The following ARHGAP15 variants were observed in gnomAD, a reference collection of about 807,000 sequenced individuals.
ARHGAP15 encodes Rho GTPase activating protein 15.
A neutral mutation model predicts 63.7 loss-of-function variants in ARHGAP15; 51 were observed. The ratio of observed to expected loss-of-function variants is 0.80; its 90% CI spans 0.64 to 1.01. ARHGAP15 has a LOEUF of 1.01. Among genes scored for constraint, ARHGAP15 ranks in the 50% least tolerant of loss-of-function variants. The pLI, the probability that ARHGAP15 is intolerant of heterozygous loss-of-function variation, is 0.00. For synonymous variants in ARHGAP15, 191 were observed against 193.8 expected, an observed-to-expected ratio of 0.99 and a Z score of 0.12; for missense variants, 560 against 564.6, an observed-to-expected ratio of 0.99 and a Z score of 0.08.
At chr2:143,432,980 C>T (rs1172999136) in intron 6 of ARHGAP15, among the ~76,000 whole-genome samples, 2 of 151,980 alleles carry the variant, frequency 1.3e-5, no homozygotes, top group South Asian at 2.1e-4. Context: ...AGAAAGAGTA[C>T]ATTAGCACGG....
Position 143,768,125 on chromosome 2 carries a change from C to T in ARHGAP15, c.1381C>T (p.Leu461Phe). Residue 461 changes from leucine (L) to phenylalanine (F), a missense_variant, in exon 14 of 14, where the codon CTC becomes TTC. Transcript: ENST00000295095. ...GGTCTACCAGAACCAGATAGCTGAG[C>T]TCATGCTGAGTGAGTACAGTAAGAT... ...HMVYQNQIAE[L>F]MLSEYSKIFG... is the part of the protein sequence containing the mutation. 6.2e-7 allele frequency: 1 copy of T among 1,613,786 alleles called. No homozygotes were observed. Among genetic ancestry groups the T allele is most frequent in the Non-Finnish European group, 8.5e-7 (1 of 1,179,768 alleles).
intron 8 of ARHGAP15, among the ~76,000 whole-genome samples, chr2:143,450,937 C>T (rs1466982328): frequency 2.0e-5 from 3 of 151,836 alleles, no homozygotes; most frequent in Non-Finnish European, 4.4e-5. Flanking sequence ...GTGGGCTAAT[C>T]CCCTTTCATA....
intron 6 of ARHGAP15, among the ~76,000 whole-genome samples, chr2:143,330,063 G>T (rs1252970650): frequency 9.2e-6 from 1 of 108,700 alleles, no homozygotes; most frequent in African/African-American, 3.6e-5. Context: ...CTACACTCCA[G>T]CAGCCTGGGT....
In ARHGAP15 at chr2:143,371,296, T is replaced by C. The variant is rs182618691; in HGVS notation, c.475-64305T>C. Among the ~76,000 whole-genome samples, 5 of 152,284 alleles carry C rather than the reference T, an allele frequency of 3.3e-5. No individual in the cohort carries two copies. In the East Asian group the frequency reaches 9.6e-4, roughly 29 times the overall value. ...TTAAGCCCTGCATGCATTAGGTAGA[T>C]AAATTTCTGCAAGAAGTATAATGAG... On this transcript the variant is annotated intron_variant, in intron 6 of 13. Transcript: ENST00000295095.
intron 11 of ARHGAP15, among the ~76,000 whole-genome samples, chr2:143,616,702 G>A (rs918638578): frequency 6.6e-6 from 1 of 152,132 alleles, no homozygotes; most frequent in South Asian, 2.1e-4. Flanking sequence ...TCTATTCTAC[G>A]CACAGGTCTG....
intron 8 of ARHGAP15, among the ~76,000 whole-genome samples, chr2:143,477,175 C>G (rs1227914862): frequency 6.7e-6 from 1 of 150,148 alleles, no homozygotes; most frequent in Admixed American, 6.7e-5. Context: ...CATTTACACA[C>G]ACACACACAT....
intron 6 of ARHGAP15, among the ~76,000 whole-genome samples, chr2:143,304,305 G>C (rs1683065968): frequency 6.6e-6 from 1 of 152,106 alleles, no homozygotes; most frequent in South Asian, 2.1e-4. Flanking sequence ...TCCTCTGTAG[G>C]GACATGGATG....
intron 11 of ARHGAP15, among the ~76,000 whole-genome samples, chr2:143,569,267 C>A (rs986308337): frequency 2.0e-5 from 3 of 152,172 alleles, no homozygotes; most frequent in Non-Finnish European, 4.4e-5. Context: ...GAACCAGGAT[C>A]TCTTCTGGAA....
intron 6 of ARHGAP15, among the ~76,000 whole-genome samples, chr2:143,278,868 C>CT (rs965265275): frequency 0.15 from 20,609 of 135,234 alleles, 1,636 homozygotes; most frequent in East Asian, 0.24. Flanking sequence ...TTCTTTCTTT[C>CT]TTTTTTTTTT....
At chr2:143,745,587 A>T (rs770773079) in intron 13 of ARHGAP15, among the ~76,000 whole-genome samples, 14 of 152,208 alleles carry the variant, frequency 9.2e-5, no homozygotes, top group Non-Finnish European at 2.1e-4. Context: ...GTACATATAA[A>T]CATCCTATAA....
intron 8 of ARHGAP15, among the ~76,000 whole-genome samples, chr2:143,484,176 G>A (rs1692202554): frequency 6.6e-6 from 1 of 151,988 alleles, no homozygotes; most frequent in African/African-American, 2.4e-5. Flanking sequence ...GACCAGCCTG[G>A]CCAACATAGT....
At chr2:143,649,602 A>G (rs1358857037) in intron 12 of ARHGAP15, among the ~76,000 whole-genome samples, 1 of 151,980 alleles carries the variant, frequency 6.6e-6, no homozygotes, top group African/African-American at 2.4e-5. Flanking sequence ...TTGCTTGTCC[A>G]ATGCTCTCCA....
chr2:143,141,810 C>T (rs1006644334), intron 1 of ARHGAP15, among the ~76,000 whole-genome samples: 1 of 152,188 alleles, frequency 6.6e-6, no homozygotes. Flanking sequence ...ACTTAATAGG[C>T]AGCACAATCA....
At chr2:143,151,708 T>C (rs949971631) in intron 1 of ARHGAP15, among the ~76,000 whole-genome samples, 3 of 151,902 alleles carry the variant, frequency 2.0e-5, no homozygotes, top group African/African-American at 7.3e-5. Context: ...GGGTGTCTAC[T>C]AGAGAAAAAA....
chr2:143,743,529 T>A (rs1686040066), intron 13 of ARHGAP15, among the ~76,000 whole-genome samples: 1 of 152,226 alleles, frequency 6.6e-6, no homozygotes, highest in African/African-American at 2.4e-5. Context: ...TTTATCAACC[T>A]GTGCCTCTTA....
At chr2:143,131,500 T>C (rs1458709112) in intron 1 of ARHGAP15, among the ~76,000 whole-genome samples, 1 of 152,206 alleles carries the variant, frequency 6.6e-6, no homozygotes, top group African/African-American at 2.4e-5. Flanking sequence ...ATTCCTCCTG[T>C]TGCTCCTTTT....
rs1691870266 is a variant in ARHGAP15, at chr2:143,195,925, GT to G, written c.166-6208del. ...CCAAATTCTGTTATTTTTACAGTAT[GT>G]AATATATCACATACTAATCCCACCC... On this transcript the variant is annotated intron_variant, in intron 2 of 13. Transcript: ENST00000295095. Among the ~76,000 whole-genome samples the G allele has an allele frequency of 2.0e-5, 3 of 152,120 alleles. No homozygotes were observed. The South Asian group carries it at 6.2e-4, about 32-fold the overall frequency.
chr2:143,590,904 G>A (rs180698574), intron 11 of ARHGAP15, among the ~76,000 whole-genome samples: 7 of 151,734 alleles, frequency 4.6e-5, no homozygotes, highest in Admixed American at 3.3e-4. Context: ...TCTTGTTGCC[G>A]CTGCTTCAAA....
chr2:143,169,264 C>G (rs1205257532), intron 2 of ARHGAP15, among the ~76,000 whole-genome samples: 3 of 152,064 alleles, frequency 2.0e-5, no homozygotes, highest in Non-Finnish European at 2.9e-5. Flanking sequence ...CTAGCTGAAG[C>G]TAAGTATCTC....
Sources: gnomAD v4.1 joint callset for allele counts (sites outside exome capture counted in the v4.1 genomes callset) on GRCh38, gnomAD v4.1.1 for gene constraint, MANE v1.5 for transcripts, NCBI Gene and HGNC (gene_info 2026-07-23, HGNC 2026-07-21) for gene names.